PLB1: variants seen among roughly 807,000 people sequenced by gnomAD.
The protein encoded by PLB1 is phospholipase B1, also known as phospholipase B1, membrane-associated.
In PLB1, 242 loss-of-function variants were observed where a neutral mutation model predicts 227.4. That is an observed-to-expected ratio of 1.06 (90% CI 0.96 to 1.18). The LOEUF (loss-of-function observed/expected upper bound fraction) is 1.18, where lower values mean the gene tolerates loss of function less well. Among genes scored for constraint, PLB1 ranks in the 50% most tolerant of loss-of-function variants. The probability of loss-of-function intolerance (pLI) is 0.00; values close to 1 mark genes in which losing one functional copy is unlikely to be tolerated. For missense variants in PLB1, 1,858 were observed against 1,816.3 expected (o/e 1.02, Z -0.42); for synonymous variants, 757 against 682.2 (o/e 1.11, Z -1.71).
chr2:28,638,794 T>C (rs545635004), intron 56 of PLB1, among the ~76,000 whole-genome samples: 1 of 138,770 alleles, frequency 7.2e-6, no homozygotes, highest in East Asian at 2.1e-4. Flanking sequence ...TACAGAAGTT[T>C]GGAACTCACA....
intron 8 of PLB1, among the ~76,000 whole-genome samples, chr2:28,531,301 TTTTTG>T (rs201270421): frequency 2.7e-4 from 41 of 152,078 alleles, no homozygotes; most frequent in African/African-American, 7.0e-4. Flanking sequence ...TGTTTTTTGT[TTTTTG>T]TTTTGTTTTG....
intron 20 of PLB1, among the ~76,000 whole-genome samples, chr2:28,570,176 T>C (rs1023782414): frequency 6.6e-6 from 1 of 152,118 alleles, no homozygotes. Flanking sequence ...CAACTCATTC[T>C]ATGAGTTTTA....
chr2:28,574,650 G>A (rs1678626651), intron 21 of PLB1, among the ~76,000 whole-genome samples: 1 of 151,086 alleles, frequency 6.6e-6, no homozygotes, highest in Admixed American at 6.6e-5. Context: ...GCCTGCCTGG[G>A]CCTCCCAAAG....
chr2:28,599,378 G>A (rs928074205), intron 35 of PLB1, among the ~76,000 whole-genome samples: 6 of 152,190 alleles, frequency 3.9e-5, no homozygotes, highest in African/African-American at 1.4e-4. Flanking sequence ...CTGAGCCTCT[G>A]TCACATGTCA....
intron 41 of PLB1, 90 bp downstream of exon 41, chr2:28,604,849 A>G: frequency 8.3e-7 from 1 of 1,197,924 alleles, no homozygotes; most frequent in Non-Finnish European, 1.2e-6. Flanking sequence ...TGTGCATAAA[A>G]TGGGAAAGAC....
At chr2:28,543,414 C>T (rs995808658) in intron 14 of PLB1, 146 bp downstream of exon 14, 21 of 828,884 alleles carry the variant, frequency 2.5e-5, no homozygotes, top group African/African-American at 2.1e-4. Flanking sequence ...TTCTGTCTCC[C>T]GGTGACGCCC....
intron 54 of PLB1, among the ~76,000 whole-genome samples, chr2:28,631,096 G>T (rs1005066370): frequency 6.6e-6 from 1 of 150,972 alleles, no homozygotes; most frequent in South Asian, 2.1e-4. Context: ...GGAGGCTGCT[G>T]TTAGCTATGA....
Position 28,598,041 on chromosome 2 carries a change from C to T in PLB1, c.2358C>T (p.Thr786=). The T allele has an allele frequency of 1.2e-6, 2 of 1,612,748 alleles. No homozygotes were observed. Residue 786 remains threonine, a synonymous_variant, in exon 34 of 58, where the codon ACC becomes ACT. Coordinates refer to ENST00000327757, the MANE Select transcript of PLB1 (RefSeq NM_153021.5). ...ACGGCTCCCTGGAGAATGTGACCAC[C>T]TTACCTAGTAAGTAACCATCAGGGG... ...GGDGSLENVT[T]LPNILREFNR...
chr2:28,552,876 T>C, intron 16 of PLB1, 52 bp from the exon 17 acceptor site: 1 of 1,509,668 alleles, frequency 6.6e-7, no homozygotes, highest in East Asian at 2.3e-5. Flanking sequence ...TCTCACCCAT[T>C]TCCAGTTTAG....
intron 1 of PLB1, among the ~76,000 whole-genome samples, chr2:28,516,268 G>A (rs990105109): frequency 3.3e-5 from 5 of 152,168 alleles, no homozygotes; most frequent in Non-Finnish European, 5.9e-5. Context: ...CTCCCTACCT[G>A]CCTTTTCTTC....
chr2:28,610,933 G>A (rs558978138), intron 43 of PLB1, among the ~76,000 whole-genome samples: 1 of 152,270 alleles, frequency 6.6e-6, no homozygotes, highest in South Asian at 2.1e-4. Context: ...TCAAGAGCCA[G>A]TCAGGCTCAA....
intron 53 of PLB1, among the ~76,000 whole-genome samples, chr2:28,629,861 G>A (rs1688349072): frequency 6.6e-6 from 1 of 152,178 alleles, no homozygotes; most frequent in African/African-American, 2.4e-5. Flanking sequence ...ATGTTCTGAG[G>A]GCAGAGGGCC....
chr2:28,590,363 T>C (rs1323042061), intron 29 of PLB1, among the ~76,000 whole-genome samples: 1 of 152,150 alleles, frequency 6.6e-6, no homozygotes, highest in Non-Finnish European at 1.5e-5. Flanking sequence ...CAGCCACATC[T>C]ACCTGTCATT....
At chr2:28,633,246 ACACT>A (rs1688891830) in intron 56 of PLB1, 2 of 550,070 alleles carry the variant, frequency 3.6e-6, no homozygotes, top group Non-Finnish European at 3.2e-6. Context: ...ATACAAACAC[ACACT>A]CACACAACTT....
At chr2:28,516,902 T>C (rs1189519098) in intron 2 of PLB1, 33 bp downstream of exon 2, 1 of 1,599,372 alleles carries the variant, frequency 6.3e-7, no homozygotes, top group Non-Finnish European at 8.6e-7. Context: ...GGTGCGTGTG[T>C]ATGGAGGGGA....
chr2:28,548,517 G>T (rs1401030899), intron 14 of PLB1: 4 of 480,284 alleles, frequency 8.3e-6, no homozygotes, highest in South Asian at 4.6e-5. Context: ...GTCCTGGCTG[G>T]CTGGGCCCCA....
At chr2:28,604,449 C>T (rs1684363899) in intron 40 of PLB1, among the ~76,000 whole-genome samples, 1 of 152,232 alleles carries the variant, frequency 6.6e-6, no homozygotes, top group Non-Finnish European at 1.5e-5. Flanking sequence ...GAGTAGTCTA[C>T]TTACAATCAA....
chr2:28,629,217 G>A (rs1164949222), intron 53 of PLB1, 32 bp downstream of exon 53: 1 of 1,601,892 alleles, frequency 6.2e-7, no homozygotes, highest in East Asian at 2.2e-5. Flanking sequence ...CCAAGGCAAG[G>A]GCACCTGGGG....
chr2:28,566,917 G>C, intron 20 of PLB1, 78 bp downstream of exon 20: 1 of 1,555,100 alleles, frequency 6.4e-7, no homozygotes, highest in Non-Finnish European at 8.8e-7. Context: ...CAGGTGGCGC[G>C]GGCCTCGGGA....
Sources: gnomAD v4.1 joint callset for allele counts (sites outside exome capture counted in the v4.1 genomes callset) on GRCh38, gnomAD v4.1.1 for gene constraint, MANE v1.5 for transcripts, NCBI Gene and HGNC (gene_info 2026-07-23, HGNC 2026-07-21) for gene names.